LCLAT1: variants seen among roughly 807,000 people sequenced by gnomAD.
LCLAT1 encodes the protein lysocardiolipin acyltransferase 1.
In LCLAT1, 11 loss-of-function variants were observed where a neutral mutation model predicts 30.7. The ratio of observed to expected loss-of-function variants is 0.36; its 90% CI spans 0.23 to 0.59. The LOEUF (loss-of-function observed/expected upper bound fraction) is 0.59. Ranked by LOEUF, LCLAT1 falls within the 20% of genes least tolerant of loss-of-function variation. The pLI, the probability that LCLAT1 is intolerant of heterozygous loss-of-function variation, is 0.77. For synonymous variants in LCLAT1, 155 were observed against 151.3 expected (o/e 1.02, Z -0.18); for missense variants, 402 against 458.6 (o/e 0.88, Z 1.13).
intron 1 of LCLAT1, among the ~76,000 whole-genome samples, chr2:30,451,452 T>C (rs941755304): frequency 9.2e-5 from 14 of 152,262 alleles, no homozygotes; most frequent in Non-Finnish European, 1.9e-4. Flanking sequence ...TGTTAAAGAA[T>C]GTTTATAGTG....
intron 4 of LCLAT1, among the ~76,000 whole-genome samples, chr2:30,567,368 T>G (rs965660243): frequency 9.2e-5 from 14 of 152,218 alleles, no homozygotes; most frequent in Admixed American, 2.6e-4. Context: ...AAATGCATTT[T>G]AACACTTTTT....
At chr2:30,558,066 C>T (rs73922666) in intron 3 of LCLAT1, among the ~76,000 whole-genome samples, 112 of 152,198 alleles carry the variant, frequency 7.4e-4, no homozygotes, top group African/African-American at 2.6e-3. Context: ...CATGGAATAA[C>T]ATCCTAATGA....
chr2:30,636,031 A>G (rs1669008497), intron 5 of LCLAT1, among the ~76,000 whole-genome samples: 1 of 152,164 alleles, frequency 6.6e-6, no homozygotes, highest in South Asian at 2.1e-4. Context: ...TGAGGTTATC[A>G]GTGTACGTGC....
chr2:30,629,087 G>A (rs941921087), intron 5 of LCLAT1, among the ~76,000 whole-genome samples: 25 of 152,256 alleles, frequency 1.6e-4, no homozygotes, highest in African/African-American at 5.5e-4. Flanking sequence ...TTACAGAGGA[G>A]CAAATCCAAC....
At chr2:30,583,229 T>C (rs1350006796) in intron 5 of LCLAT1, among the ~76,000 whole-genome samples, 1 of 152,242 alleles carries the variant, frequency 6.6e-6, no homozygotes, top group African/African-American at 2.4e-5. Context: ...TTTGAGGAGC[T>C]AAACCAGAAG....
intron 1 of LCLAT1, among the ~76,000 whole-genome samples, chr2:30,450,766 A>G (rs971627860): frequency 1.3e-5 from 2 of 152,230 alleles, no homozygotes; most frequent in African/African-American, 4.8e-5. Flanking sequence ...CTGAAACCAT[A>G]AGCGCAAATA....
chr2:30,512,688 C>T (rs906629767), intron 1 of LCLAT1, among the ~76,000 whole-genome samples: 4 of 152,044 alleles, frequency 2.6e-5, no homozygotes, highest in African/African-American at 9.7e-5. Context: ...GGGATCATGC[C>T]ATCTATTATA....
At chr2:30,615,662 C>A (rs1223831443) in intron 5 of LCLAT1, among the ~76,000 whole-genome samples, 1 of 151,936 alleles carries the variant, frequency 6.6e-6, no homozygotes. Flanking sequence ...AAAGAGACAC[C>A]ACATATCAAA....
At chr2:30,632,199 T>G (rs996028900) in intron 5 of LCLAT1, among the ~76,000 whole-genome samples, 3 of 152,234 alleles carry the variant, frequency 2.0e-5, no homozygotes, top group Non-Finnish European at 1.5e-5. Flanking sequence ...GTTTTAACTT[T>G]CCAGCTGAAG....
At chr2:30,555,401 G>C (rs1480911217) in intron 3 of LCLAT1, among the ~76,000 whole-genome samples, 1 of 152,070 alleles carries the variant, frequency 6.6e-6, no homozygotes, top group African/African-American at 2.4e-5. Context: ...GAGCAAAGAA[G>C]CCCGCAAACT....
At chr2:30,510,668 C>T (rs746092002) in intron 1 of LCLAT1, among the ~76,000 whole-genome samples, 1 of 152,154 alleles carries the variant, frequency 6.6e-6, no homozygotes, top group African/African-American at 2.4e-5. Flanking sequence ...ATTTCCCCCT[C>T]TCCAATTTCT....
At chr2:30,536,861 A>C (rs1558504528) in intron 3 of LCLAT1, among the ~76,000 whole-genome samples, 1 of 152,236 alleles carries the variant, frequency 6.6e-6, no homozygotes, top group Non-Finnish European at 1.5e-5. Context: ...GTCCTCACCT[A>C]TTAATAACCT....
intron 3 of LCLAT1, among the ~76,000 whole-genome samples, chr2:30,541,809 A>C (rs1664150817): frequency 6.8e-6 from 1 of 146,622 alleles, no homozygotes; most frequent in African/African-American, 2.5e-5. Flanking sequence ...CTTCCATACA[A>C]TTTTTCCCCT....
chr2:30,614,701 G>C (rs979807787), intron 5 of LCLAT1, among the ~76,000 whole-genome samples: 1 of 152,186 alleles, frequency 6.6e-6, no homozygotes, highest in African/African-American at 2.4e-5. Context: ...AAGGAGAGAG[G>C]CAGGAGATAC....
At chr2:30,604,655 C>A (rs1255237598) in intron 5 of LCLAT1, among the ~76,000 whole-genome samples, 28 of 119,224 alleles carry the variant, frequency 2.3e-4, no homozygotes, top group African/African-American at 8.4e-4. Flanking sequence ...AGTGAGACTC[C>A]GTCTCAAAAA....
intron 1 of LCLAT1, among the ~76,000 whole-genome samples, chr2:30,472,734 A>G (rs1276195403): frequency 6.6e-6 from 1 of 152,100 alleles, no homozygotes; most frequent in African/African-American, 2.4e-5. Flanking sequence ...TTTCCAGGTA[A>G]TTTCAGGAAT....
intron 5 of LCLAT1, among the ~76,000 whole-genome samples, chr2:30,604,453 T>C (rs988527804): frequency 2.7e-4 from 41 of 152,284 alleles, no homozygotes; most frequent in African/African-American, 9.9e-4. Flanking sequence ...TACTTAATTC[T>C]GTTGTACTGC....
chr2:30,523,165 T>G (rs1200807134), intron 1 of LCLAT1, among the ~76,000 whole-genome samples: 1 of 151,324 alleles, frequency 6.6e-6, no homozygotes, highest in Non-Finnish European at 1.5e-5. Flanking sequence ...AAAACGGTAG[T>G]TACAGGGTTT....
At chr2:30,494,953 A>ATTTTTTT (rs563456939) in intron 1 of LCLAT1, among the ~76,000 whole-genome samples, 1 of 137,918 alleles carries the variant, frequency 7.3e-6, no homozygotes. Flanking sequence ...ATGAAGTGTG[A>ATTTTTTT]TTTTTTTTTT....
Sources: allele counts gnomAD v4.1 joint callset (sites outside exome capture counted in the v4.1 genomes callset), GRCh38; gene constraint gnomAD v4.1.1; transcripts MANE v1.5; gene names NCBI Gene and HGNC (gene_info 2026-07-23, HGNC 2026-07-21).